TRIM9: variants seen among roughly 807,000 people sequenced by gnomAD.
The protein encoded by TRIM9 is E3 ubiquitin-protein ligase TRIM9.
In TRIM9, 26 loss-of-function variants were observed where a neutral mutation model predicts 78.3. The ratio of observed to expected loss-of-function variants is 0.33; its 90% CI spans 0.24 to 0.46. The LOEUF is 0.46. TRIM9 is among the 20% of genes least tolerant of loss of function. TRIM9 has a pLI of 1.00. For missense variants in TRIM9, 787 were observed against 1,036.4 expected, an observed-to-expected ratio of 0.76 and a Z score of 3.30; for synonymous variants, 398 against 416.5, an observed-to-expected ratio of 0.96 and a Z score of 0.54.
chr14:51,091,892 A>G (rs759848629), intron 1 of TRIM9, among the ~76,000 whole-genome samples: 8 of 152,240 alleles, frequency 5.3e-5, no homozygotes, highest in Non-Finnish European at 1.0e-4. Context: ...TCTATTGCCA[A>G]TAAAACAAAT....
chr14:50,990,863 G>A (rs1385223182), intron 7 of TRIM9, among the ~76,000 whole-genome samples: 2 of 152,168 alleles, frequency 1.3e-5, no homozygotes, highest in African/African-American at 4.8e-5. Flanking sequence ...CTTTTGTTGG[G>A]AAGATTTTAA....
rs1319221491 is a variant in TRIM9, at chr14:51,025,416, G to GA, written c.823-57_823-56insT. 1.0e-4 allele frequency: 44 copies of GA among 431,130 alleles called. No individual in the cohort carries two copies. The African/African-American group carries it at 3.3e-3, about 32-fold the overall frequency. The allele number at this position is 431,130 out of a possible 1,614,324, so 26.7% of individuals were successfully genotyped here. On this transcript the variant is annotated intron_variant, in intron 1 of 12. Transcript: ENST00000684578. Reference sequence around the variant, plus strand: ...TGTAATCACAGGATACACCAACAAGGCCAGCGAGACTCAAAACTGAAGAGT... The same window carrying GA: ...TGTAATCACAGGATACACCAACAAGGACCAGCGAGACTCAAAACTGAAGAGT...
At chr14:51,069,558 C>T (rs1218948980) in intron 1 of TRIM9, among the ~76,000 whole-genome samples, 2 of 152,188 alleles carry the variant, frequency 1.3e-5, no homozygotes, top group African/African-American at 4.8e-5. Flanking sequence ...AAATCCGAGG[C>T]CCTCGGGACA....
At chr14:51,045,579 T>G (rs1024642487) in intron 1 of TRIM9, among the ~76,000 whole-genome samples, 5 of 152,170 alleles carry the variant, frequency 3.3e-5, no homozygotes, top group African/African-American at 1.2e-4. Flanking sequence ...CAAGGAACAA[T>G]GTAGCATAAA....
chr14:50,985,538 T>C (rs1445887962), intron 8 of TRIM9, among the ~76,000 whole-genome samples: 1 of 152,144 alleles, frequency 6.6e-6, no homozygotes, highest in African/African-American at 2.4e-5. Context: ...CCAGGCTGGA[T>C]GCACTGATCC....
At chr14:51,050,663 C>G (rs1288909978) in intron 1 of TRIM9, among the ~76,000 whole-genome samples, 2 of 152,158 alleles carry the variant, frequency 1.3e-5, no homozygotes, top group Non-Finnish European at 2.9e-5. Flanking sequence ...CAGATATGAT[C>G]CTATGTGCCT....
chr14:51,001,753 G>A (rs1343364588), intron 5 of TRIM9, among the ~76,000 whole-genome samples: 1 of 151,964 alleles, frequency 6.6e-6, no homozygotes, highest in Admixed American at 6.6e-5. Flanking sequence ...TGATCTCTCC[G>A]TTTCAAAACT....
rs117061936 is a variant in TRIM9 at position 50,982,210 on chromosome 14, C to T, written c.1859-107G>A. On this transcript the variant is annotated intron_variant, in intron 10 of 12. Transcript: ENST00000684578. ...AGCGTTGTGTAGCGTTTTCATGCTG[C>T]CATGCAGGAAGGAGGCGTCCAGGGC... 3.7e-3 allele frequency: 5,062 copies of T among 1,375,356 alleles called. 82 individuals carry two copies. The highest frequency in any genetic ancestry group is 0.032 in the East Asian group (1,302 of 40,194). 85.2% of individuals were successfully genotyped at this position (1,375,356 alleles called of 1,614,324 possible).
chr14:51,015,387 C>T (rs965890004), intron 3 of TRIM9, among the ~76,000 whole-genome samples: 2 of 152,072 alleles, frequency 1.3e-5, no homozygotes, highest in African/African-American at 2.4e-5. Context: ...TCATGCTTAA[C>T]CCAACCATGA....
At chr14:50,982,803 AT>A in intron 10 of TRIM9, 138 bp downstream of exon 10, 1 of 771,616 alleles carries the variant, frequency 1.3e-6, no homozygotes, top group Non-Finnish European at 2.1e-6. Context: ...CTTTGTACGC[AT>A]TGTTACGCCC....
At chr14:51,057,010 CCAT>C (rs1566622963) in intron 1 of TRIM9, among the ~76,000 whole-genome samples, 2 of 152,188 alleles carry the variant, frequency 1.3e-5, no homozygotes. Flanking sequence ...ATAAACGAAC[CCAT>C]CTCCTATTCA....
At chr14:51,061,847 A>T (rs2061377400) in intron 1 of TRIM9, among the ~76,000 whole-genome samples, 1 of 152,126 alleles carries the variant, frequency 6.6e-6, no homozygotes, top group African/African-American at 2.4e-5. Flanking sequence ...TCTTTGGAAA[A>T]TTCCAAGCCA....
chr14:51,017,086 T>G (rs972130690), intron 3 of TRIM9, among the ~76,000 whole-genome samples: 1 of 152,188 alleles, frequency 6.6e-6, no homozygotes, highest in South Asian at 2.1e-4. Flanking sequence ...AATAAAGAAT[T>G]CTCTTGTTTT....
chr14:51,066,832 C>A (rs1340604799), intron 1 of TRIM9, among the ~76,000 whole-genome samples: 1 of 152,106 alleles, frequency 6.6e-6, no homozygotes, highest in African/African-American at 2.4e-5. Flanking sequence ...TGGTCGCCTG[C>A]GATTGACTGA....
intron 7 of TRIM9, among the ~76,000 whole-genome samples, chr14:50,992,490 T>C (rs776428307): frequency 4.0e-5 from 6 of 151,724 alleles, no homozygotes; most frequent in Non-Finnish European, 8.8e-5. Context: ...GGAGGATCAC[T>C]TGAGCCCAGG....
intron 3 of TRIM9, among the ~76,000 whole-genome samples, chr14:51,012,391 TG>T (rs2056686364): frequency 6.6e-6 from 1 of 152,248 alleles, no homozygotes; most frequent in Non-Finnish European, 1.5e-5. Flanking sequence ...TCAACCATGT[TG>T]TAGCATGTGT....
rs1053982142 is a variant in TRIM9 at position 51,044,261 on chromosome 14, T to G, written c.823-18901A>C. ...ATGAAGGAGATATCCTTTGGAAGGG[T>G]CAACAATCCAAATTGTTGCAGGGGC... is the stretch of plus-strand genomic sequence containing the variant. On this transcript the variant is annotated intron_variant, in intron 1 of 12. Coordinates refer to ENST00000684578, the MANE Select transcript of TRIM9 (RefSeq NM_001387360.1). Among the ~76,000 whole-genome samples, 6 of 152,168 alleles carry G rather than the reference T, an allele frequency of 3.9e-5. No homozygotes were observed. The East Asian group carries it at 1.2e-3, about 29-fold the overall frequency.
rs751800047 is a variant in TRIM9 at position 51,094,791 on chromosome 14, T to C, written c.149A>G (p.His50Arg). The change falls in exon 1 of 13, where the codon CAT (histidine) becomes CGT (arginine). Residue 50 changes from histidine (H) to arginine (R), a missense_variant. Around this residue, in one of 3 missense-constraint regions of TRIM9, gnomAD observed 352 missense variants for 472.3 expected, o/e 0.75. Transcript: ENST00000684578. ...QTPESESPQS[H>R]RAAGSGVSDY... ...GGAGACCCCGGAGCCCGCGGCCCGATGGCTCTGGGGGGATTCAGACTCTGG... is the reference window on the plus strand; with the variant it reads ...GGAGACCCCGGAGCCCGCGGCCCGACGGCTCTGGGGGGATTCAGACTCTGG... The C allele has an allele frequency of 3.9e-6, 6 of 1,530,986 alleles. No homozygotes were observed. In the Admixed American group the frequency reaches 1.3e-4, roughly 34 times the overall value. The allele number at this position is 1,530,986 out of a possible 1,614,324, so 94.8% of individuals were successfully genotyped here.
chr14:51,068,086 A>C (rs2061904790), intron 1 of TRIM9, among the ~76,000 whole-genome samples: 1 of 152,212 alleles, frequency 6.6e-6, no homozygotes, highest in Non-Finnish European at 1.5e-5. Context: ...CCCCAAACCC[A>C]GAATTTCTGA....
Sources: gnomAD v4.1 joint callset for allele counts (sites outside exome capture counted in the v4.1 genomes callset) on GRCh38, gnomAD v4.1.1 for gene constraint, gnomAD v4.1.1 regional missense constraint, MANE v1.5 for transcripts, NCBI Gene and HGNC (gene_info 2026-07-23, HGNC 2026-07-21) for gene names.